Variants in FSIP2 observed in about 807,000 individuals in gnomAD.
FSIP2 encodes the protein fibrous sheath interacting protein 2.
Under a neutral mutation model 510.5 loss-of-function variants are expected in FSIP2, and 367 were observed. The ratio of observed to expected loss-of-function variants is 0.72; its 90% CI spans 0.66 to 0.78. The LOEUF (loss-of-function observed/expected upper bound fraction) is 0.78, where lower values mean the gene tolerates loss of function less well. FSIP2 is among the 30% of genes least tolerant of loss of function. The pLI is 0.00. For synonymous variants in FSIP2, 2,601 were observed against 2,732.2 expected (o/e 0.95, Z 1.50); for missense variants, 7,594 against 7,901.7 (o/e 0.96, Z 1.48).
In FSIP2 at chr2:185,791,367, A is replaced by G. The variant is rs1693119958; in HGVS notation, c.4231A>G (p.Thr1411Ala). 2 of 1,533,992 alleles carry G rather than the reference A, an allele frequency of 1.3e-6. No homozygotes were observed. The highest frequency in any genetic ancestry group is 1.4e-5 in the African/African-American group (1 of 72,992). ...DKKSFHKYLA[T>A]PCTHHSVNGG... ...AAAATCTTTTCACAAATATTTGGCTACTCCTTGTACTCACCACAGTGTCAA... is the reference window on the plus strand; with the variant it reads ...AAAATCTTTTCACAAATATTTGGCTGCTCCTTGTACTCACCACAGTGTCAA... Residue 1411 changes from threonine to alanine, a missense_variant, in exon 16 of 23, where the codon ACT becomes GCT. By Grantham distance (58) the Thr-to-Ala change is moderately conservative. Transcript: ENST00000424728.
chr2:185,747,468 AT>A, intron 7 of FSIP2, 45 bp downstream of exon 7: 1 of 1,160,472 alleles, frequency 8.6e-7, no homozygotes, highest in Non-Finnish European at 1.2e-6. Context: ...CGAAGAGAAG[AT>A]TTTGTTTTGG....
Position 185,790,557 on chromosome 2 carries a change from G to A in FSIP2, c.3421G>A (p.Val1141Ile), listed in dbSNP as rs1017650866. The change falls in exon 16 of 23, where the codon GTT becomes ATT. Residue 1141 changes from valine (V) to isoleucine (I), a missense_variant. Physicochemically the swap from Val to Ile is conservative, Grantham distance 29. Coordinates refer to ENST00000424728, the MANE Select transcript of FSIP2 (RefSeq NM_173651.4). ...SKTGSEASVLVSEKPQGLSHQ... is the reference protein window; with the variant it reads ...SKTGSEASVLISEKPQGLSHQ... ...AACTGGCAGTGAAGCTTCAGTTCTT[G>A]TTTCAGAAAAGCCTCAAGGACTGTC... The A allele has an allele frequency of 1.4e-5, 22 of 1,533,702 alleles. No homozygotes were observed. Among genetic ancestry groups the A allele is most frequent in the Non-Finnish European group, 1.8e-5 (21 of 1,145,524 alleles).
chr2:185,784,027 T>G (rs990484089), intron 14 of FSIP2: 3 of 152,186 alleles, frequency 2.0e-5, no homozygotes, highest in Non-Finnish European at 4.4e-5. Flanking sequence ...TATGTCACAT[T>G]CCTCTTGCTC....
rs1304442940 is a variant in FSIP2 at position 185,793,265 on chromosome 2, C to T, written c.6129C>T (p.Asn2043=). 9 of 1,533,934 alleles carry T rather than the reference C, an allele frequency of 5.9e-6. No individual in the cohort carries two copies. Among genetic ancestry groups the T allele is most frequent in the Middle Eastern group, 1.7e-4 (1 of 5,998 alleles). ...ISESIASQIV[N]ALLDIISRKG... is the part of the protein sequence containing the mutation. The stretch of plus-strand genomic sequence containing the variant: ...AAAGTATTGCAAGTCAAATTGTTAA[C>T]GCATTGTTAGACATTATATCACGTA... The change falls in exon 16 of 23, where the codon AAC becomes AAT. Residue 2043 remains asparagine, a synonymous_variant. Coordinates refer to ENST00000424728, the MANE Select transcript of FSIP2 (RefSeq NM_173651.4).
At chr2:185,827,638 T>C (rs1330231859) in intron 20 of FSIP2, among the ~76,000 whole-genome samples, 1 of 151,932 alleles carries the variant, frequency 6.6e-6, no homozygotes, top group Non-Finnish European at 1.5e-5. Context: ...CTTTTGGTTC[T>C]GTAGACTCCA....
intron 8 of FSIP2, among the ~76,000 whole-genome samples, chr2:185,755,572 A>G (rs1453572223): frequency 6.6e-6 from 1 of 151,584 alleles, no homozygotes; most frequent in Admixed American, 6.6e-5. Flanking sequence ...CCACTATGGT[A>G]ATGTTGTTAT....
At chr2:185,758,893 G>A (rs2216496) in intron 9 of FSIP2, among the ~76,000 whole-genome samples, 19,600 of 151,020 alleles carry the variant, frequency 0.13, 1,698 homozygotes, top group East Asian at 0.37. Context: ...GAAATTTGGC[G>A]GTTTGAGTTA....
rs916287120 is a variant in FSIP2, at chr2:185,745,496, C to T, written c.545C>T (p.Ala182Val). The change falls in exon 5 of 23, where the codon GCA becomes GTA. Residue 182 changes from alanine (A) to valine (V), a missense_variant. Physicochemically the swap from Ala to Val is moderately conservative, Grantham distance 64. Transcript: ENST00000424728. ...NNQIPQHCDVAQVQNWLLKEG... is the reference protein window; with the variant it reads ...NNQIPQHCDVVQVQNWLLKEG... ...CAAATCCCTCAACATTGTGATGTTG[C>T]ACAAGTCCAAAACTGGTTGTTAAAG... 3 of 1,534,802 alleles carry T rather than the reference C, an allele frequency of 2.0e-6. No homozygotes were observed. The highest frequency in any genetic ancestry group is 2.6e-6 in the Non-Finnish European group (3 of 1,145,894).
At chr2:185,818,796 G>T (rs115092229) in intron 19 of FSIP2, among the ~76,000 whole-genome samples, 1 of 151,778 alleles carries the variant, frequency 6.6e-6, no homozygotes, top group African/African-American at 2.4e-5. Context: ...ATTAACACTA[G>T]ATCTACCTGA....
In FSIP2 at chr2:185,796,801, A is replaced by G. The variant is rs769659518; in HGVS notation, c.9665A>G (p.Glu3222Gly). ...SSVEDTVKNS[E>G]PTKRPDSETM... is the part of the protein sequence containing the mutation. ...GTAGAAGACACAGTTAAAAACTCAG[A>G]GCCAACGAAAAGGCCTGATTCAGAA... is the stretch of plus-strand genomic sequence containing the variant. Residue 3222 changes from glutamate to glycine, a missense_variant, in exon 16 of 23, where the codon GAG becomes GGG. Physicochemically the swap from Glu to Gly is moderately conservative, Grantham distance 98. Coordinates refer to ENST00000424728, the MANE Select transcript of FSIP2 (RefSeq NM_173651.4). The G allele has an allele frequency of 1.5e-5, 23 of 1,535,210 alleles. No individual in the cohort carries two copies. In the African/African-American group the frequency reaches 3.0e-4, roughly 20 times the overall value.
chr2:185,813,452 T>C, intron 17 of FSIP2, 93 bp from the exon 18 acceptor site: 1 of 679,252 alleles, frequency 1.5e-6, no homozygotes, highest in Admixed American at 3.4e-5. Flanking sequence ...AAATCAAAAC[T>C]AGAAATTATA....
chr2:185,801,581 T>A lies in FSIP2; in HGVS notation c.12275T>A (p.Leu4092Gln). Residue 4092 changes from leucine (L) to glutamine (Q), a missense_variant, in exon 17 of 23, where the codon CTG becomes CAG. Coordinates refer to ENST00000424728, the MANE Select transcript of FSIP2 (RefSeq NM_173651.4). ...GILLEILDYK[L>Q]PSCFKEHLIP... ...TTGTTAGAGATTTTAGACTACAAACTGCCATCTTGCTTCAAGGAACATCTC... is the reference window on the plus strand; with the variant it reads ...TTGTTAGAGATTTTAGACTACAAACAGCCATCTTGCTTCAAGGAACATCTC... 1 of 1,534,112 alleles carries A rather than the reference T, an allele frequency of 6.5e-7. No homozygotes were observed. The highest frequency in any genetic ancestry group is 1.7e-4 in the Middle Eastern group (1 of 5,980).
In FSIP2 at chr2:185,745,475, T is replaced by C. The variant is rs903337868; in HGVS notation, c.524T>C (p.Ile175Thr). The C allele has an allele frequency of 6.5e-7, 1 of 1,534,810 alleles. No individual in the cohort carries two copies. The highest frequency in any genetic ancestry group is 1.4e-5 in the African/African-American group (1 of 72,952). Reference sequence around the variant, plus strand: ...CATAACATACCGGAAAACAATCAAATCCCTCAACATTGTGATGTTGCACAA... The same window carrying C: ...CATAACATACCGGAAAACAATCAAACCCCTCAACATTGTGATGTTGCACAA... ...QLHNIPENNQ[I>T]PQHCDVAQVQ... Residue 175 changes from isoleucine to threonine, a missense_variant, in exon 5 of 23, where the codon ATC (isoleucine) becomes ACC (threonine). Coordinates refer to ENST00000424728, the MANE Select transcript of FSIP2 (RefSeq NM_173651.4).
At chr2:185,770,827 T>C (rs573622178) in intron 13 of FSIP2, among the ~76,000 whole-genome samples, 1 of 152,324 alleles carries the variant, frequency 6.6e-6, no homozygotes, top group South Asian at 2.1e-4. Flanking sequence ...TTAATGTATA[T>C]TGCCTTCACT....
intron 20 of FSIP2, among the ~76,000 whole-genome samples, chr2:185,826,637 GTC>G (rs1319316573): frequency 1.3e-5 from 2 of 151,608 alleles, no homozygotes; most frequent in African/African-American, 4.8e-5. Flanking sequence ...TTTTTTGACT[GTC>G]TCTCTAGAAT....
At chr2:185,828,426 T>A (rs1329952515) in intron 21 of FSIP2, among the ~76,000 whole-genome samples, 1 of 151,862 alleles carries the variant, frequency 6.6e-6, no homozygotes, top group Non-Finnish European at 1.5e-5. Context: ...CATTCCTTGT[T>A]TAGGGGCACA....
In FSIP2 at chr2:185,805,944, A is replaced by G. The variant is rs1693562076; in HGVS notation, c.16638A>G (p.Lys5546=). Residue 5546 remains lysine, a synonymous_variant, in exon 17 of 23, where the codon AAA becomes AAG. Coordinates refer to ENST00000424728, the MANE Select transcript of FSIP2 (RefSeq NM_173651.4). ...AAGTTACTTCAACTACCACTGTGAA[A>G]AGTAAAGATACTCAGGAGCCAAATT... The part of the protein sequence containing the change: ...VSKVTSTTTV[K]SKDTQEPNLS... The G allele has an allele frequency of 6.3e-7, 1 of 1,584,374 alleles. No individual in the cohort carries two copies. Among genetic ancestry groups the G allele is most frequent in the Non-Finnish European group, 8.5e-7 (1 of 1,170,804 alleles).
intron 22 of FSIP2, 151 bp downstream of exon 22, chr2:185,832,033 A>G: frequency 1.6e-6 from 1 of 607,542 alleles, no homozygotes; most frequent in South Asian, 2.0e-5. Context: ...TACTGTTTGC[A>G]TAAATACCAA....
intron 18 of FSIP2, among the ~76,000 whole-genome samples, 183 bp downstream of exon 18, chr2:185,814,225 G>A (rs1220494073): frequency 6.6e-6 from 1 of 152,018 alleles, no homozygotes; most frequent in African/African-American, 2.4e-5. Flanking sequence ...CTGTGGGAAA[G>A]CAGGTAATAG....
Sources: gnomAD v4.1 joint callset for allele counts (sites outside exome capture counted in the v4.1 genomes callset) on GRCh38, gnomAD v4.1.1 for gene constraint, MANE v1.5 for transcripts, NCBI Gene and HGNC (gene_info 2026-07-23, HGNC 2026-07-21) for gene names.